Variants in DLGAP2 observed in about 807,000 individuals in gnomAD.
DLGAP2 encodes disks large-associated protein 2.
Under a neutral mutation model 100.3 loss-of-function variants are expected in DLGAP2, and 26 were observed. The ratio of observed to expected loss-of-function variants is 0.26; its 90% confidence interval spans 0.19 to 0.36. The LOEUF is 0.36. Ranked by LOEUF, DLGAP2 falls within the 10% of genes least tolerant of loss-of-function variation. DLGAP2 has a pLI of 1.00. For synonymous variants in DLGAP2, 886 were observed against 630.1 expected (o/e 1.41, Z -6.08); for missense variants, 1,858 against 1,453.2 (o/e 1.28, Z -4.53).
intron 3 of DLGAP2, among the ~76,000 whole-genome samples, chr8:1,417,589 G>A (rs1361127768): frequency 1.4e-5 from 2 of 138,310 alleles, no homozygotes; most frequent in Admixed American, 1.5e-4. Flanking sequence ...AATGCGGACA[G>A]ATAAATAGGA....
At chr8:902,931 C>T (rs1798289835) in intron 1 of DLGAP2, among the ~76,000 whole-genome samples, 1 of 54,618 alleles carries the variant, frequency 1.8e-5, no homozygotes, top group Admixed American at 2.2e-4. Context: ...GGCGGTGGAA[C>T]GTGGGCAGGT....
chr8:1,185,181 T>C (rs767259307), intron 2 of DLGAP2, among the ~76,000 whole-genome samples: 42 of 152,172 alleles, frequency 2.8e-4, no homozygotes, highest in Non-Finnish European at 5.1e-4. Flanking sequence ...CTGTTCATTT[T>C]TATTCCATTT....
At chr8:1,495,723 C>T (rs926772680) in intron 3 of DLGAP2, among the ~76,000 whole-genome samples, 11 of 151,430 alleles carry the variant, frequency 7.3e-5, no homozygotes, top group South Asian at 4.2e-4. Context: ...TCGCAGGCAG[C>T]TCCAGCTCGA....
chr8:1,439,462 C>T (rs955462911), intron 3 of DLGAP2, among the ~76,000 whole-genome samples: 1 of 152,144 alleles, frequency 6.6e-6, no homozygotes, highest in African/African-American at 2.4e-5. Context: ...GGACCTGCTG[C>T]CCAGCCTTGC....
intron 1 of DLGAP2, among the ~76,000 whole-genome samples, chr8:865,782 G>A (rs564829586): frequency 4.6e-5 from 7 of 152,152 alleles, no homozygotes; most frequent in East Asian, 1.9e-4. Context: ...ATGGACCTTC[G>A]TGTACATTCC....
intron 4 of DLGAP2, among the ~76,000 whole-genome samples, chr8:1,509,327 C>CTAAAAAAAAA (rs769352573): frequency 1.0e-4 from 8 of 77,504 alleles, no homozygotes; most frequent in African/African-American, 3.6e-4. Context: ...AAGACTCCGT[C>CTAAAAAAAAA]CAAAAAAAAA....
chr8:1,087,612 G>C (rs1258867485), intron 2 of DLGAP2, among the ~76,000 whole-genome samples: 3 of 149,782 alleles, frequency 2.0e-5, no homozygotes, highest in Non-Finnish European at 3.0e-5. Flanking sequence ...GTCTCCTTTG[G>C]CTGTTTCATC....
intron 5 of DLGAP2, among the ~76,000 whole-genome samples, chr8:1,555,294 G>T (rs1003160485): frequency 4.6e-5 from 7 of 152,122 alleles, no homozygotes; most frequent in African/African-American, 1.7e-4. Flanking sequence ...CATCCATCCA[G>T]TGTGAGTCCT....
rs540755832 is a variant in DLGAP2, at chr8:1,046,573, C to G, written c.73+138607C>G. Among the ~76,000 whole-genome samples the G allele has an allele frequency of 4.6e-5, 7 of 152,272 alleles. No homozygotes were observed. In the South Asian group the frequency reaches 1.5e-3, roughly 32 times the overall value. ...TGTGGGCGTGTTTGAGGCTTTTTCA[C>G]CTAATATCTGTGTTTCCTTCATCCC... On this transcript the variant is annotated intron_variant, in intron 2 of 14. Transcript: ENST00000637795.
chr8:1,100,607 A>G (rs1489192197), intron 2 of DLGAP2, among the ~76,000 whole-genome samples: 3 of 152,214 alleles, frequency 2.0e-5, no homozygotes, highest in Non-Finnish European at 4.4e-5. Context: ...TTACTCTATA[A>G]GAAAATGAAG....
chr8:1,458,041 T>C (rs549144951), intron 3 of DLGAP2, among the ~76,000 whole-genome samples: 3 of 138,502 alleles, frequency 2.2e-5, no homozygotes, highest in African/African-American at 5.4e-5. Flanking sequence ...TATATATAAT[T>C]ATATATATAT....
chr8:1,514,573 T>G (rs1800294282), intron 4 of DLGAP2, among the ~76,000 whole-genome samples: 1 of 152,226 alleles, frequency 6.6e-6, no homozygotes, highest in African/African-American at 2.4e-5. Flanking sequence ...CTATCAGCCA[T>G]TTATGGGTGT....
chr8:1,165,947 G>A (rs1474324148), intron 2 of DLGAP2, among the ~76,000 whole-genome samples: 1 of 152,028 alleles, frequency 6.6e-6, no homozygotes, highest in Non-Finnish European at 1.5e-5. Flanking sequence ...CCATTATCCA[G>A]TTTCTTGTAG....
chr8:1,017,958 A>G (rs910797481), intron 2 of DLGAP2, among the ~76,000 whole-genome samples: 7 of 152,178 alleles, frequency 4.6e-5, no homozygotes, highest in Non-Finnish European at 8.8e-5. Context: ...CCACTTTCCT[A>G]GTTGTGGCAG....
chr8:842,523 T>G (rs2132718402), intron 1 of DLGAP2, among the ~76,000 whole-genome samples: 1 of 152,352 alleles, frequency 6.6e-6, no homozygotes, highest in East Asian at 1.9e-4. Flanking sequence ...ATTATGTGCC[T>G]TGGTGGTCAT....
chr8:1,431,558 C>A (rs1275086620), intron 3 of DLGAP2, among the ~76,000 whole-genome samples: 1 of 152,212 alleles, frequency 6.6e-6, no homozygotes, highest in Non-Finnish European at 1.5e-5. Flanking sequence ...CGTTCATGCA[C>A]GAGTTCCCAG....
intron 13 of DLGAP2, among the ~76,000 whole-genome samples, chr8:1,695,342 A>G (rs1291305945): frequency 8.3e-5 from 11 of 132,280 alleles, no homozygotes; most frequent in African/African-American, 3.2e-4. Context: ...GCCCGGCCCT[A>G]CAGAAAGAGG....
intron 1 of DLGAP2, among the ~76,000 whole-genome samples, chr8:874,479 C>T (rs1196192167): frequency 6.6e-6 from 1 of 152,128 alleles, no homozygotes; most frequent in Admixed American, 6.5e-5. Flanking sequence ...TTTGGGAGTA[C>T]ATTGTTTAAT....
Position 1,218,757 on chromosome 8 carries a change from A to G in DLGAP2, c.74-40094A>G, listed in dbSNP as rs1188734491. On this transcript the variant is annotated intron_variant, in intron 2 of 14. Transcript: ENST00000637795. ...TTTACAATATTGATTCTTCATAACTATGAGCTTGGAATGTTTTTCCATTGA... is the reference window on the plus strand; with the variant it reads ...TTTACAATATTGATTCTTCATAACTGTGAGCTTGGAATGTTTTTCCATTGA... Among the ~76,000 whole-genome samples, 7 of 152,128 alleles carry G rather than the reference A, an allele frequency of 4.6e-5. No homozygotes were observed. The East Asian group carries it at 5.8e-4, about 13-fold the overall frequency.
Sources: gnomAD v4.1 joint callset for allele counts (sites outside exome capture counted in the v4.1 genomes callset) on GRCh38, gnomAD v4.1.1 for gene constraint, MANE v1.5 for transcripts, NCBI Gene and HGNC (gene_info 2026-07-23, HGNC 2026-07-21) for gene names.